The following ACACA variants were observed in gnomAD, a reference collection of about 807,000 sequenced individuals.
ACACA encodes acetyl-CoA carboxylase 1.
Under a neutral mutation model 296.1 loss-of-function variants are expected in ACACA, and 103 were observed. That is an observed-to-expected ratio of 0.35 (90% CI 0.30 to 0.41). The LOEUF is 0.41. Ranked by LOEUF, ACACA falls within the 10% of genes least tolerant of loss-of-function variation. The pLI is 1.00. For synonymous variants in ACACA, 953 were observed against 1,038.6 expected, an observed-to-expected ratio of 0.92 and a Z score of 1.58; for missense variants, 1,554 against 2,989.7, an observed-to-expected ratio of 0.52 and a Z score of 11.20.
chr17:37,245,622 T>C (rs1288233725), intron 19 of ACACA, among the ~76,000 whole-genome samples: 4 of 152,166 alleles, frequency 2.6e-5, no homozygotes, highest in Admixed American at 6.6e-5. Context: ...GCCAGACATA[T>C]CTTCTAAACC....
chr17:37,339,130 T>C (rs2048272941), intron 2 of ACACA, among the ~76,000 whole-genome samples: 1 of 152,136 alleles, frequency 6.6e-6, no homozygotes, highest in Non-Finnish European at 1.5e-5. Context: ...AGTTTAAAAG[T>C]AACAGTAGAT....
intron 16 of ACACA, among the ~76,000 whole-genome samples, chr17:37,251,032 T>TA (rs913160800): frequency 1.1e-4 from 17 of 151,640 alleles, no homozygotes; most frequent in Non-Finnish European, 2.2e-4. Context: ...GTCTCAAAGA[T>TA]AAAAAAAATA....
At chr17:37,111,461 G>T in intron 52 of ACACA, 70 bp downstream of exon 52, 1 of 1,100,404 alleles carries the variant, frequency 9.1e-7, no homozygotes, top group Non-Finnish European at 1.4e-6. Flanking sequence ...TCCTCCCCTG[G>T]CCTATGAATG....
At chr17:37,370,349 A>G (rs1025594431) in intron 1 of ACACA, among the ~76,000 whole-genome samples, 1 of 151,750 alleles carries the variant, frequency 6.6e-6, no homozygotes, top group Admixed American at 6.6e-5. Flanking sequence ...GGGAGAACAC[A>G]TAAAAGAAAT....
rs1388985697 is a variant in ACACA, at chr17:37,260,292, ATATATTTTTTTTT to A, written c.1330-775_1330-763del. Among the ~76,000 whole-genome samples, 40 of 16,492 alleles carry A rather than the reference ATATATTTTTTTTT, an allele frequency of 2.4e-3. 1 individual carries two copies. Among genetic ancestry groups the A allele is most frequent in the Admixed American group, 5.6e-3 (4 of 710 alleles). The allele number at this position is 16,492 out of a possible 152,430, so 10.8% of individuals were successfully genotyped here. ...TATATATATATATATATATATATAT[ATATATTTTTTTTT>A]TTTTTTTTTTTGGAGATGGAGTCTC... On this transcript the variant is annotated intron_variant, in intron 11 of 55. Coordinates refer to ENST00000616317, the MANE Select transcript of ACACA (RefSeq NM_198834.3).
chr17:37,151,107 C>T (rs888576495), intron 44 of ACACA, among the ~76,000 whole-genome samples, 194 bp downstream of exon 44: 2 of 151,962 alleles, frequency 1.3e-5, no homozygotes, highest in African/African-American at 4.8e-5. Flanking sequence ...AAACAAAGTG[C>T]TGGGTTTGTT....
chr17:37,301,057 T>A (rs2083594007), intron 3 of ACACA, among the ~76,000 whole-genome samples: 1 of 152,142 alleles, frequency 6.6e-6, no homozygotes, highest in African/African-American at 2.4e-5. Flanking sequence ...CATTCAAAAA[T>A]GCAAATAAAG....
rs1179188931 is a variant in ACACA at position 37,248,075 on chromosome 17, C to A, written c.2245G>T (p.Gly749Cys). The A allele has an allele frequency of 6.2e-7, 1 of 1,614,080 alleles. No individual in the cohort carries two copies. The highest frequency in any genetic ancestry group is 8.5e-7 in the Non-Finnish European group (1 of 1,180,012). The change falls in exon 18 of 56, where the codon GGT becomes TGT. Residue 749 changes from glycine to cysteine, a missense_variant. Gly to Cys is a radical substitution (Grantham distance 159). This residue lies in a region of ACACA where 316 missense variants were observed against 540.9 expected (regional missense o/e 0.58). Coordinates refer to ENST00000616317, the MANE Select transcript of ACACA (RefSeq NM_198834.3). ...CCATCATAGGACAAGAGCAGTCCAC[C>A]GTCACTCAGCCGATGTACATCTACT... is the stretch of plus-strand genomic sequence containing the variant. Reference protein sequence around the residue: ...VEVDVHRLSDGGLLLSYDGSS... With the variant: ...VEVDVHRLSDCGLLLSYDGSS...
chr17:37,253,002 G>A lies in ACACA; in HGVS notation c.1861C>T (p.Arg621Trp), dbSNP rs758814147. Reference protein sequence around the residue: ...MVVALKELSIRGDFRTTVEYL... With the variant: ...MVVALKELSIWGDFRTTVEYL... ...TCAACTGTAGTTCGAAAGTCACCCC[G>A]AATAGACAGCTCCTTCAAAGCCACC... Residue 621 changes from arginine to tryptophan, a missense_variant, in exon 15 of 56, where the codon CGG (arginine) becomes TGG (tryptophan). Physicochemically the swap from Arg to Trp is moderately radical, Grantham distance 101. Transcript: ENST00000616317. 6.2e-7 allele frequency: 1 copy of A among 1,614,184 alleles called. No homozygotes were observed. The highest frequency in any genetic ancestry group is 8.5e-7 in the Non-Finnish European group (1 of 1,180,030).
chr17:37,378,197 C>T (rs1311323608), intron 1 of ACACA, among the ~76,000 whole-genome samples: 1 of 152,168 alleles, frequency 6.6e-6, no homozygotes, highest in Admixed American at 6.5e-5. Context: ...GAGGCAGAAC[C>T]TACCCCTCTC....
intron 41 of ACACA, among the ~76,000 whole-genome samples, chr17:37,174,333 G>A (rs2077026692): frequency 6.6e-6 from 1 of 151,506 alleles, no homozygotes; most frequent in East Asian, 1.9e-4. Context: ...TATACCAACT[G>A]AAAAAAGAAG....
rs117076656 is a variant in ACACA at position 37,368,889 on chromosome 17, C to G, written c.39-29039G>C. On this transcript the variant is annotated intron_variant, in intron 1 of 55. Coordinates refer to ENST00000616317, the MANE Select transcript of ACACA (RefSeq NM_198834.3). Reference sequence around the variant, plus strand: ...AGTAGGAGTGTAATGAGGACAATCCCTTAGAAAACAGTTTGGCATTAATTG... The same window carrying G: ...AGTAGGAGTGTAATGAGGACAATCCGTTAGAAAACAGTTTGGCATTAATTG... 1.4e-3 allele frequency among the ~76,000 whole-genome samples: 220 copies of G among 152,228 alleles called. 8 individuals are homozygous for G. The East Asian group carries it at 0.042, about 29-fold the overall frequency.
At chr17:37,356,406 T>C (rs1194414940) in intron 1 of ACACA, among the ~76,000 whole-genome samples, 1 of 151,808 alleles carries the variant, frequency 6.6e-6, no homozygotes, top group Non-Finnish European at 1.5e-5. Context: ...TGAGACGGAG[T>C]CTCACTCTGT....
chr17:37,358,067 G>A lies in ACACA; in HGVS notation c.39-18217C>T, dbSNP rs552522359. On this transcript the variant is annotated intron_variant, in intron 1 of 55. Transcript: ENST00000616317. ...GCTTAAGTAGAAACAGAATCAGGAA[G>A]GCCTAGGGTCTTTTTTTTTATTCCA... 3.0e-4 allele frequency among the ~76,000 whole-genome samples: 45 copies of A among 152,274 alleles called. No homozygotes were observed. In the South Asian group the frequency reaches 8.7e-3, roughly 29 times the overall value.
intron 13 of ACACA, 62 bp downstream of exon 13, chr17:37,258,150 G>A (rs1288872965): frequency 1.3e-6 from 2 of 1,560,358 alleles, no homozygotes; most frequent in Admixed American, 3.4e-5. Context: ...TATACTTTCA[G>A]ATACTATCTT....
chr17:37,337,415 CAAA>C (rs71159702), intron 2 of ACACA, among the ~76,000 whole-genome samples: 10 of 94,292 alleles, frequency 1.1e-4, no homozygotes, highest in Admixed American at 3.0e-4. Flanking sequence ...GACCCTGTCT[CAAA>C]AAAAAAAAAA....
At chr17:37,120,456 G>T (rs145574280) in intron 50 of ACACA, among the ~76,000 whole-genome samples, 2,064 of 151,488 alleles carry the variant, frequency 0.014, 62 homozygotes, top group African/African-American at 0.048. Flanking sequence ...CAGAGACAAG[G>T]TTTCACCATG....
At chr17:37,106,597 C>T (rs981626313) in intron 52 of ACACA, among the ~76,000 whole-genome samples, 4 of 152,184 alleles carry the variant, frequency 2.6e-5, no homozygotes, top group African/African-American at 7.2e-5. Flanking sequence ...CCATCAGTCC[C>T]GTCCCTGTGT....
chr17:37,166,939 G>C (rs1284045481), intron 41 of ACACA, among the ~76,000 whole-genome samples: 1 of 151,830 alleles, frequency 6.6e-6, no homozygotes, highest in East Asian at 1.9e-4. Context: ...TAGCTAATGT[G>C]AATTGTTTAC....
Sources: allele counts gnomAD v4.1 joint callset (sites outside exome capture counted in the v4.1 genomes callset), GRCh38; gene constraint gnomAD v4.1.1; regional missense constraint gnomAD v4.1.1; transcripts MANE v1.5; gene names NCBI Gene and HGNC (gene_info 2026-07-23, HGNC 2026-07-21).